The following TRPS1 variants were observed in gnomAD, a reference collection of about 807,000 sequenced individuals.
The protein encoded by TRPS1 is zinc finger transcription factor Trps1.
A neutral mutation model predicts 101.2 loss-of-function variants in TRPS1; 6 were observed. That is an observed-to-expected ratio of 0.06 (90% CI 0.03 to 0.12). The LOEUF is 0.12. TRPS1 is among the 10% of genes least tolerant of loss of function. The pLI, the probability that TRPS1 is intolerant of heterozygous loss-of-function variation, is 1.00. For missense variants in TRPS1, 1,363 were observed against 1,567.0 expected (o/e 0.87, Z 2.20); for synonymous variants, 578 against 589.8 (o/e 0.98, Z 0.29).
intron 5 of TRPS1, among the ~76,000 whole-genome samples, chr8:115,481,159 T>A (rs1262816036): frequency 1.3e-5 from 2 of 152,056 alleles, no homozygotes; most frequent in African/African-American, 4.8e-5. Flanking sequence ...AAATAAGATA[T>A]ACACAGATTT....
At chr8:115,427,984 G>A (rs555438851) in intron 5 of TRPS1, among the ~76,000 whole-genome samples, 1 of 152,318 alleles carries the variant, frequency 6.6e-6, no homozygotes, top group Non-Finnish European at 1.5e-5. Context: ...CATAGCGCCT[G>A]CTACATGGGA....
In TRPS1 at chr8:115,442,938, C is replaced by CA. The variant is rs535858407; in HGVS notation, c.2701-24487dup. Among the ~76,000 whole-genome samples, 36 of 151,404 alleles carry CA rather than the reference C, an allele frequency of 2.4e-4. No individual in the cohort carries two copies. The South Asian group carries it at 5.8e-3, about 25-fold the overall frequency. ...AAACCCATCTCTACTAAAAAAAATACAAAAAAAATTAGCCGGACGTGGTGG... is the reference window on the plus strand; with the variant it reads ...AAACCCATCTCTACTAAAAAAAATACAAAAAAAAATTAGCCGGACGTGGTGG... On this transcript the variant is annotated intron_variant, in intron 5 of 6. Transcript: ENST00000395715.
chr8:115,482,512 C>A (rs1478005140), intron 5 of TRPS1, among the ~76,000 whole-genome samples: 1 of 152,100 alleles, frequency 6.6e-6, no homozygotes, highest in Non-Finnish European at 1.5e-5. Flanking sequence ...ACAATGACTA[C>A]ATCTTCTCTG....
intron 5 of TRPS1, among the ~76,000 whole-genome samples, chr8:115,438,714 T>TCTG (rs1813517431): frequency 1.3e-5 from 2 of 152,136 alleles, no homozygotes; most frequent in Non-Finnish European, 2.9e-5. Context: ...ATTTACATTT[T>TCTG]CTGCCTCCCT....
chr8:115,661,843 G>A (rs1449223470), intron 1 of TRPS1, among the ~76,000 whole-genome samples: 2 of 150,678 alleles, frequency 1.3e-5, no homozygotes, highest in East Asian at 3.9e-4. Context: ...TTAAGGGACT[G>A]CAACTCTAAA....
At chr8:115,603,458 C>CAGAATAG (rs1817954769) in intron 4 of TRPS1, among the ~76,000 whole-genome samples, 1 of 151,988 alleles carries the variant, frequency 6.6e-6, no homozygotes, top group Non-Finnish European at 1.5e-5. Flanking sequence ...AATTTTTTTG[C>CAGAATAG]AGAATAGAGA....
chr8:115,410,195 A>T lies in TRPS1; in HGVS notation c.*3828T>A, dbSNP rs534068158. 1 of 152,292 alleles carries T rather than the reference A, an allele frequency of 6.6e-6. No individual in the cohort carries two copies. The highest frequency in any genetic ancestry group is 1.9e-4 in the East Asian group (1 of 5,162). 9.4% of individuals were successfully genotyped at this position (152,292 alleles called of 1,614,324 possible). ...AATAATTATTTTAATAGCCATACTG[A>T]GACTCTTCAGTTTATTAAGAAAAAT... On this transcript the variant is annotated 3_prime_UTR_variant, in exon 7 of 7. Transcript: ENST00000395715.
chr8:115,577,197 C>CT (rs1234915183), intron 5 of TRPS1, among the ~76,000 whole-genome samples: 1 of 151,914 alleles, frequency 6.6e-6, no homozygotes, highest in Non-Finnish European at 1.5e-5. Context: ...CACTCTGAGT[C>CT]TTTTTTTAAA....
chr8:115,453,449 G>A (rs899198833), intron 5 of TRPS1, among the ~76,000 whole-genome samples: 3 of 152,212 alleles, frequency 2.0e-5, no homozygotes, highest in African/African-American at 4.8e-5. Context: ...GCTAACAGAA[G>A]TGTATGCATT....
At chr8:115,531,722 G>A (rs1816135794) in intron 5 of TRPS1, among the ~76,000 whole-genome samples, 2 of 152,150 alleles carry the variant, frequency 1.3e-5, no homozygotes, top group South Asian at 4.2e-4. Context: ...AGAATACATA[G>A]CTGAGAAGGG....
chr8:115,615,906 GC>G (rs1563645829), intron 3 of TRPS1, among the ~76,000 whole-genome samples: 1 of 152,208 alleles, frequency 6.6e-6, no homozygotes, highest in Non-Finnish European at 1.5e-5. Flanking sequence ...CAATCATGCT[GC>G]ATCTATGATT....
chr8:115,651,299 A>T (rs1811554366), intron 1 of TRPS1, among the ~76,000 whole-genome samples: 1 of 152,224 alleles, frequency 6.6e-6, no homozygotes, highest in African/African-American at 2.4e-5. Context: ...AAAAGGCAGG[A>T]TTTGCAAGCA....
chr8:115,593,318 G>T (rs115834554), intron 4 of TRPS1, among the ~76,000 whole-genome samples: 1 of 151,976 alleles, frequency 6.6e-6, no homozygotes, highest in East Asian at 1.9e-4. Flanking sequence ...TATATTGCCC[G>T]CAGCAATAAC....
chr8:115,612,288 G>T (rs367937254), intron 3 of TRPS1, among the ~76,000 whole-genome samples: 3 of 151,544 alleles, frequency 2.0e-5, no homozygotes, highest in Non-Finnish European at 4.4e-5. Context: ...AAGAATAGGA[G>T]GTGAGAAGAG....
At chr8:115,665,986 C>T (rs180758684) in intron 1 of TRPS1, among the ~76,000 whole-genome samples, 1 of 152,198 alleles carries the variant, frequency 6.6e-6, no homozygotes, top group East Asian at 1.9e-4. Context: ...TAATACTTCG[C>T]CAACAGAGTA....
At chr8:115,483,163 A>G (rs1263967836) in intron 5 of TRPS1, among the ~76,000 whole-genome samples, 1 of 152,180 alleles carries the variant, frequency 6.6e-6, no homozygotes, top group Non-Finnish European at 1.5e-5. Context: ...AAAGTGAGAG[A>G]GGAAGTAAAA....
At chr8:115,438,005 A>G (rs916291596) in intron 5 of TRPS1, among the ~76,000 whole-genome samples, 1 of 152,214 alleles carries the variant, frequency 6.6e-6, no homozygotes, top group Non-Finnish European at 1.5e-5. Context: ...AGGCTAAAAT[A>G]CCAAAACATG....
chr8:115,424,825 T>G (rs1423811198), intron 5 of TRPS1, among the ~76,000 whole-genome samples: 1 of 152,242 alleles, frequency 6.6e-6, no homozygotes, highest in Non-Finnish European at 1.5e-5. Context: ...CATGACTTAA[T>G]GTGTTCATGA....
chr8:115,521,287 T>A (rs1221138425), intron 5 of TRPS1, among the ~76,000 whole-genome samples: 1 of 151,904 alleles, frequency 6.6e-6, no homozygotes, highest in Non-Finnish European at 1.5e-5. Flanking sequence ...CTAACTACGA[T>A]TCTCTATTAT....
Sources: gnomAD v4.1 joint callset for allele counts (sites outside exome capture counted in the v4.1 genomes callset) on GRCh38, gnomAD v4.1.1 for gene constraint, MANE v1.5 for transcripts, NCBI Gene and HGNC (gene_info 2026-07-23, HGNC 2026-07-21) for gene names.